Variants in KCNC1 observed in about 807,000 individuals in gnomAD.
KCNC1 encodes voltage-gated potassium channel KCNC1.
Under a neutral mutation model 43.4 loss-of-function variants are expected in KCNC1, and 8 were observed. The ratio of observed to expected loss-of-function variants is 0.18; its 90% CI spans 0.11 to 0.33. KCNC1 has a LOEUF of 0.33. Ranked by LOEUF, KCNC1 falls within the 10% of genes least tolerant of loss-of-function variation. KCNC1 has a pLI of 1.00. For missense variants in KCNC1, 420 were observed against 836.0 expected, an observed-to-expected ratio of 0.50 and a Z score of 6.14; for synonymous variants, 361 against 360.5, an observed-to-expected ratio of 1.00 and a Z score of -0.01.
rs569462418 is a variant in KCNC1 at position 17,748,823 on chromosome 11, T to C, written c.570+12251T>C. Among the ~76,000 whole-genome samples the C allele has an allele frequency of 4.6e-5, 7 of 152,170 alleles. No individual in the cohort carries two copies. In the East Asian group the frequency reaches 1.2e-3, roughly 25 times the overall value. On this transcript the variant is annotated intron_variant, in intron 1 of 3. Coordinates refer to ENST00000265969, the MANE Select transcript of KCNC1 (RefSeq NM_001112741.2). ...CAGGGTGGGCCTGCGTGGAGGGGGC[T>C]CCTGCTTCTGCATGGAGGGCCGTAA...
chr11:17,775,727 T>A, intron 2 of KCNC1: 2 of 985,802 alleles, frequency 2.0e-6, no homozygotes, highest in African/African-American at 3.5e-5. Flanking sequence ...TGGTGCCGCG[T>A]CCAGGGCTGC....
In KCNC1 at chr11:17,765,869, C is replaced by G. The variant is rs551313736; in HGVS notation, c.571-5796C>G. 3 of 152,358 alleles carry G rather than the reference C, an allele frequency of 2.0e-5. No homozygotes were observed. The East Asian group carries it at 5.8e-4, about 29-fold the overall frequency. 9.4% of individuals were successfully genotyped at this position (152,358 alleles called of 1,614,324 possible). On this transcript the variant is annotated intron_variant, in intron 1 of 3. Coordinates refer to ENST00000265969, the MANE Select transcript of KCNC1 (RefSeq NM_001112741.2). Reference sequence around the variant, plus strand: ...TGGGACTCAGCTGCTGCAGGCATGGCGTGTAGAAGGGAGATAAAGTCTGAC... The same window carrying G: ...TGGGACTCAGCTGCTGCAGGCATGGGGTGTAGAAGGGAGATAAAGTCTGAC...
intron 2 of KCNC1, chr11:17,772,926 G>A: frequency 5.0e-6 from 6 of 1,206,630 alleles, no homozygotes; most frequent in Non-Finnish European, 6.2e-6. Flanking sequence ...GGTGGGGCAG[G>A]AGTCCGGTGT....
chr11:17,768,613 G>T (rs554773935), intron 1 of KCNC1, among the ~76,000 whole-genome samples: 192 of 10,572 alleles, frequency 0.018, 3 homozygotes, highest in African/African-American at 0.05. Flanking sequence ...GGATGTTGGT[G>T]GGGGGGGGGG....
rs763202742 is a variant in KCNC1, at chr11:17,779,496, G to A, written c.1545G>A (p.Ala515=). ...GGGAGGTGGCGAAGGCCGCGCTGGCGAACGAAGACTGCCCCCACATAGACC... is the reference window on the plus strand; with the variant it reads ...GGGAGGTGGCGAAGGCCGCGCTGGCAAACGAAGACTGCCCCCACATAGACC... ...LNGEVAKAAL[A]NEDCPHIDQA... The change falls in exon 3 of 4, where the codon GCG becomes GCA. Residue 515 remains alanine, a synonymous_variant. Transcript: ENST00000265969. This position sits in a 1 kb window ranked among gnomAD's most constrained non-coding sequence, Gnocchi z 7.2. 1.5e-5 allele frequency: 23 copies of A among 1,550,380 alleles called. No individual in the cohort carries two copies. The highest frequency in any genetic ancestry group is 1.3e-4 in the South Asian group (11 of 83,928).
chr11:17,781,656 T>C lies in KCNC1; in HGVS notation c.1694-14T>C. 6.5e-7 allele frequency: 1 copy of C among 1,534,032 alleles called. No individual in the cohort carries two copies. Among genetic ancestry groups the C allele is most frequent in the Non-Finnish European group, 8.8e-7 (1 of 1,131,234 alleles). ...AAGAGAAGCTCAAGTGTTAATTGTA[T>C]TCTTTACATACAGATCTTTGCAAAG... is the stretch of plus-strand genomic sequence containing the variant. On this transcript the variant is annotated splice_polypyrimidine_tract_variant and intron_variant, in intron 3 of 3. Coordinates refer to ENST00000265969, the MANE Select transcript of KCNC1 (RefSeq NM_001112741.2). This position sits in a 1 kb window ranked among gnomAD's most constrained non-coding sequence, Gnocchi z 5.1.
chr11:17,751,801 A>C (rs535836040), intron 1 of KCNC1, among the ~76,000 whole-genome samples: 10 of 152,142 alleles, frequency 6.6e-5, no homozygotes, highest in Non-Finnish European at 1.3e-4. Context: ...GCAGTCAGTG[A>C]GTGGGGGATT....
In KCNC1 at chr11:17,773,001, CG is replaced by C. The variant is rs1220151550; in HGVS notation, c.1504+404del. On this transcript the variant is annotated intron_variant, in intron 2 of 3. Coordinates refer to ENST00000265969, the MANE Select transcript of KCNC1 (RefSeq NM_001112741.2). The surrounding 1 kb of genome is among the most constrained non-coding windows in gnomAD (Gnocchi z 4.1). ...AGTGGGGGCGGGTGTGATTTGGAAACGCTAGACAGCCTTTGATCTGGTCCTT... is the reference window on the plus strand; with the variant it reads ...AGTGGGGGCGGGTGTGATTTGGAAACCTAGACAGCCTTTGATCTGGTCCTT... 9.4e-7 allele frequency: 1 copy of C among 1,068,116 alleles called. No individual in the cohort carries two copies. Among genetic ancestry groups the C allele is most frequent in the African/African-American group, 1.7e-5 (1 of 59,960 alleles). The allele number at this position is 1,068,116 out of a possible 1,614,324, so 66.2% of individuals were successfully genotyped here. A position where few individuals can be genotyped will look rare whatever the true frequency, so the allele number is the denominator to read the frequency against.
At chr11:17,760,843 AAC>A (rs1849069487) in intron 1 of KCNC1, among the ~76,000 whole-genome samples, 1 of 152,214 alleles carries the variant, frequency 6.6e-6, no homozygotes, top group African/African-American at 2.4e-5. Context: ...GTGACATGAT[AAC>A]ACCGCACTGG....
intron 1 of KCNC1, among the ~76,000 whole-genome samples, chr11:17,760,158 T>C (rs1463017967): frequency 1.3e-5 from 2 of 152,098 alleles, no homozygotes; most frequent in Non-Finnish European, 2.9e-5. Flanking sequence ...TGTAGTATAA[T>C]GAAGAAAAGA....
intron 1 of KCNC1, among the ~76,000 whole-genome samples, chr11:17,747,577 C>A (rs568838820): frequency 1.7e-4 from 26 of 152,290 alleles, no homozygotes; most frequent in Non-Finnish European, 3.1e-4. Flanking sequence ...CTGTTGGGTG[C>A]CCATGGGCGG....
At position 17,754,726 on chromosome 11, in the gene KCNC1, C is replaced by A. The variant is rs576756233; in HGVS notation, c.571-16939C>A. ...CCACCCTGACCCTCAGATTCAGCCA[C>A]CTCATGGACCTTACATTCTAGAGGG... On this transcript the variant is annotated intron_variant, in intron 1 of 3. Coordinates refer to ENST00000265969, the MANE Select transcript of KCNC1 (RefSeq NM_001112741.2). 2.3e-3 allele frequency among the ~76,000 whole-genome samples: 343 copies of A among 152,324 alleles called. 1 individual carries two copies. The highest frequency in any genetic ancestry group is 7.9e-3 in the African/African-American group (330 of 41,574).
In KCNC1 at chr11:17,767,316, GAAAA is replaced by G. The variant is rs1313427684; in HGVS notation, c.571-4348_571-4345del. On this transcript the variant is annotated intron_variant, in intron 1 of 3. Coordinates refer to ENST00000265969, the MANE Select transcript of KCNC1 (RefSeq NM_001112741.2). ...AAAAAAAAAAGAAAAGAAAAGAAAA[GAAAA>G]GAAAGAAAAACACTTGGATCCAAGT... Among the ~76,000 whole-genome samples the G allele has an allele frequency of 7.0e-4, 105 of 150,592 alleles. 2 individuals are homozygous for G. Among genetic ancestry groups the G allele is most frequent in the South Asian group, 2.9e-3 (14 of 4,748 alleles).
chr11:17,746,231 G>T (rs553155358), intron 1 of KCNC1, among the ~76,000 whole-genome samples: 11 of 152,260 alleles, frequency 7.2e-5, no homozygotes, highest in African/African-American at 2.4e-4. Flanking sequence ...CTAGTAGGGG[G>T]TCCAAACCCC....
At chr11:17,757,761 A>G (rs1464816543) in intron 1 of KCNC1, among the ~76,000 whole-genome samples, 1 of 152,270 alleles carries the variant, frequency 6.6e-6, no homozygotes, top group Non-Finnish European at 1.5e-5. Context: ...GTGCAATAGC[A>G]TTATGTCTAA....
chr11:17,763,487 A>G (rs925740271), intron 1 of KCNC1, among the ~76,000 whole-genome samples: 1 of 151,556 alleles, frequency 6.6e-6, no homozygotes, highest in Non-Finnish European at 1.5e-5. Context: ...ACACCCATGC[A>G]CTGCCCCCCA....
intron 1 of KCNC1, among the ~76,000 whole-genome samples, chr11:17,743,395 C>G (rs1848863301): frequency 6.6e-6 from 1 of 152,232 alleles, no homozygotes; most frequent in Non-Finnish European, 1.5e-5. Context: ...CCACCATCCA[C>G]TCTTTCCCAA....
chr11:17,738,255 C>G (rs1433418846), intron 1 of KCNC1, among the ~76,000 whole-genome samples: 2 of 152,074 alleles, frequency 1.3e-5, no homozygotes, highest in Non-Finnish European at 2.9e-5. Context: ...GGGCTTCCCT[C>G]CCCTTCCCTT....
intron 1 of KCNC1, among the ~76,000 whole-genome samples, chr11:17,740,640 C>CTGTGTGTGTGTGTTTG (rs1343276770): frequency 2.6e-5 from 4 of 151,846 alleles, no homozygotes; most frequent in African/African-American, 9.7e-5. Flanking sequence ...CCAGAGTGTC[C>CTGTGTGTGTGTGTTTG]TGTGTGTGTG....
Sources: gnomAD v4.1 joint callset for allele counts (sites outside exome capture counted in the v4.1 genomes callset) on GRCh38, gnomAD v4.1.1 for gene constraint, Gnocchi (gnomAD v3.1) non-coding constraint, MANE v1.5 for transcripts, NCBI Gene and HGNC (gene_info 2026-07-23, HGNC 2026-07-21) for gene names.